The following TTLL11 variants were observed in gnomAD, a reference collection of about 807,000 sequenced individuals.
The protein encoded by TTLL11 is tubulin tyrosine ligase like 11, also known as tubulin polyglutamylase TTLL11.
A neutral mutation model predicts 51.7 loss-of-function variants in TTLL11; 42 were observed. That is an observed-to-expected ratio of 0.81 (90% CI 0.64 to 1.05). The LOEUF is 1.05. Among genes scored for constraint, TTLL11 ranks in the 50% least tolerant of loss-of-function variants. TTLL11 has a pLI of 0.00. For missense variants in TTLL11, 799 were observed against 940.4 expected (o/e 0.85, Z 1.97); for synonymous variants, 381 against 383.5 (o/e 0.99, Z 0.08).
At chr9:122,078,657 T>G (rs138685136) in intron 1 of TTLL11, among the ~76,000 whole-genome samples, 1 of 152,238 alleles carries the variant, frequency 6.6e-6, no homozygotes, top group Admixed American at 6.5e-5. Context: ...TATAGCTTTT[T>G]ATGCTGGCAA....
At chr9:121,994,172 G>T (rs577626855) in intron 3 of TTLL11, among the ~76,000 whole-genome samples, 2 of 152,136 alleles carry the variant, frequency 1.3e-5, no homozygotes, top group Non-Finnish European at 2.9e-5. Flanking sequence ...GGGCAGAGTG[G>T]GAGACAGAGC....
At position 122,033,080 on chromosome 9, in the gene TTLL11, T is replaced by C. The variant is rs117114782; in HGVS notation, c.560-1224A>G. Among the ~76,000 whole-genome samples the C allele has an allele frequency of 2.6e-5, 4 of 152,012 alleles. No homozygotes were observed. In the East Asian group the frequency reaches 7.8e-4, roughly 30 times the overall value. The stretch of plus-strand genomic sequence containing the variant: ...CCTCCCAAAGCCCTGGAATTACAGG[T>C]GTAAGCCGCCATGCCTGGCATCATC... On this transcript the variant is annotated intron_variant, in intron 2 of 8. Coordinates refer to ENST00000321582, the MANE Select transcript of TTLL11 (RefSeq NM_001139442.2).
intron 6 of TTLL11, among the ~76,000 whole-genome samples, chr9:121,911,252 C>A (rs13297857): frequency 6.6e-6 from 1 of 151,866 alleles, no homozygotes; most frequent in Non-Finnish European, 1.5e-5. Flanking sequence ...AAAAAATTAG[C>A]CAGGCATGGT....
chr9:121,833,049 G>C (rs1424038370), intron 8 of TTLL11, among the ~76,000 whole-genome samples: 1 of 152,078 alleles, frequency 6.6e-6, no homozygotes. Context: ...GCCTTGCAGC[G>C]AATGAGGGAT....
rs145190081 is a variant in TTLL11 at position 121,980,669 on chromosome 9, T to C, written c.1270-5690A>G. 2.8e-3 allele frequency among the ~76,000 whole-genome samples: 426 copies of C among 152,348 alleles called. 2 individuals carry two copies. Among genetic ancestry groups the C allele is most frequent in the African/African-American group, 9.9e-3 (411 of 41,582 alleles). Reference sequence around the variant, plus strand: ...ACCATCCCATTACTGGGTATATACCTAAAGGATGATAAATCATGCTGCTAT... The same window carrying C: ...ACCATCCCATTACTGGGTATATACCCAAAGGATGATAAATCATGCTGCTAT... On this transcript the variant is annotated intron_variant, in intron 4 of 8. Coordinates refer to ENST00000321582, the MANE Select transcript of TTLL11 (RefSeq NM_001139442.2).
intron 3 of TTLL11, among the ~76,000 whole-genome samples, chr9:122,015,564 A>T (rs889550943): frequency 6.6e-6 from 1 of 152,150 alleles, no homozygotes; most frequent in Non-Finnish European, 1.5e-5. Context: ...GAGACACTGC[A>T]TTCTCCATGT....
chr9:122,020,682 C>T (rs1446366589), intron 3 of TTLL11, among the ~76,000 whole-genome samples: 1 of 152,224 alleles, frequency 6.6e-6, no homozygotes, highest in Non-Finnish European at 1.5e-5. Flanking sequence ...AAGAGGTAGG[C>T]TCTTTGGAGG....
At chr9:122,053,455 C>T (rs1243183649) in intron 1 of TTLL11, among the ~76,000 whole-genome samples, 1 of 152,124 alleles carries the variant, frequency 6.6e-6, no homozygotes, top group Non-Finnish European at 1.5e-5. Context: ...GCAGCCCACA[C>T]AGCCCACACA....
At chr9:121,873,458 C>T (rs10985427) in intron 6 of TTLL11, among the ~76,000 whole-genome samples, 105,357 of 148,438 alleles carry the variant, frequency 0.71, 37,678 homozygotes, top group East Asian at 0.9. Context: ...TACAGGCATG[C>T]GCCACCACAC....
intron 3 of TTLL11, among the ~76,000 whole-genome samples, chr9:122,026,201 G>C (rs1844330527): frequency 6.6e-6 from 1 of 152,154 alleles, no homozygotes; most frequent in South Asian, 2.1e-4. Flanking sequence ...CAATTTGGGA[G>C]GCTGAGGCAG....
chr9:122,031,524 C>T (rs955847984), intron 3 of TTLL11, among the ~76,000 whole-genome samples, 199 bp downstream of exon 3: 1 of 152,178 alleles, frequency 6.6e-6, no homozygotes, highest in Non-Finnish European at 1.5e-5. Context: ...CCCGTTTCTT[C>T]AGTTTACCTA....
At chr9:121,899,374 T>C (rs1211152286) in intron 6 of TTLL11, among the ~76,000 whole-genome samples, 3 of 94,234 alleles carry the variant, frequency 3.2e-5, no homozygotes, top group African/African-American at 1.1e-4. Flanking sequence ...TGTATATATA[T>C]ATACATATAT....
chr9:121,826,215 T>C (rs1243678293), intron 8 of TTLL11, among the ~76,000 whole-genome samples: 1,249 of 94,500 alleles, frequency 0.013, 178 homozygotes, highest in African/African-American at 0.06. Flanking sequence ...TATATATATA[T>C]ATGCACACAT....
Position 121,866,698 on chromosome 9 carries a change from A to C in TTLL11, c.1733+3799T>G, listed in dbSNP as rs573531967. Among the ~76,000 whole-genome samples the C allele has an allele frequency of 3.3e-5, 5 of 152,058 alleles. No individual in the cohort carries two copies. In the South Asian group the frequency reaches 1.0e-3, roughly 32 times the overall value. The stretch of plus-strand genomic sequence containing the variant: ...AGAAAGAAAAGAAAAGAAAAAGAAA[A>C]ACCTGTTAATCGTTGTGCAATGCTT... On this transcript the variant is annotated intron_variant, in intron 7 of 8. Coordinates refer to ENST00000321582, the MANE Select transcript of TTLL11 (RefSeq NM_001139442.2).
At chr9:122,088,195 C>A (rs532465831) in intron 1 of TTLL11, among the ~76,000 whole-genome samples, 63 of 152,310 alleles carry the variant, frequency 4.1e-4, no homozygotes, top group African/African-American at 1.4e-3. Flanking sequence ...CTCTCCACTC[C>A]CCCATATGCT....
chr9:121,980,499 G>A (rs1842804196), intron 4 of TTLL11, among the ~76,000 whole-genome samples: 1 of 152,182 alleles, frequency 6.6e-6, no homozygotes, highest in Admixed American at 6.5e-5. Context: ...CAGCAGCTCT[G>A]CAGTTGAACC....
At chr9:121,982,721 A>T (rs1230988485) in intron 4 of TTLL11, among the ~76,000 whole-genome samples, 1 of 150,486 alleles carries the variant, frequency 6.6e-6, no homozygotes, top group Non-Finnish European at 1.5e-5. Context: ...CCAACTCAAA[A>T]AAAAAAAAAA....
rs148187971 is a variant in TTLL11 at position 121,930,559 on chromosome 9, C to T, written c.1481+43450G>A. 4.3e-3 allele frequency among the ~76,000 whole-genome samples: 658 copies of T among 152,334 alleles called. 1 individual carries two copies. Among genetic ancestry groups the T allele is most frequent in the Admixed American group, 8.9e-3 (136 of 15,298 alleles). Reference sequence around the variant, plus strand: ...ACAGCAATCAGCACCTGAGAATGCTCGTCCTCCCAGATTACCTGCTGCAGA... The same window carrying T: ...ACAGCAATCAGCACCTGAGAATGCTTGTCCTCCCAGATTACCTGCTGCAGA... On this transcript the variant is annotated intron_variant, in intron 6 of 8. Coordinates refer to ENST00000321582, the MANE Select transcript of TTLL11 (RefSeq NM_001139442.2).
Position 121,888,556 on chromosome 9 carries a change from C to T in TTLL11, c.1482-17808G>A, listed in dbSNP as rs1289352204. On this transcript the variant is annotated intron_variant, in intron 6 of 8. Coordinates refer to ENST00000321582, the MANE Select transcript of TTLL11 (RefSeq NM_001139442.2). Reference sequence around the variant, plus strand: ...TCCAGCAACAGCATGGGGCCAGGCCCGGAGCAGGGAATCAGTCAATGTTAC... The same window carrying T: ...TCCAGCAACAGCATGGGGCCAGGCCTGGAGCAGGGAATCAGTCAATGTTAC... 4.6e-5 allele frequency among the ~76,000 whole-genome samples: 7 copies of T among 152,182 alleles called. No homozygotes were observed. The East Asian group carries it at 7.7e-4, about 17-fold the overall frequency.
Sources: gnomAD v4.1 joint callset for allele counts (sites outside exome capture counted in the v4.1 genomes callset) on GRCh38, gnomAD v4.1.1 for gene constraint, MANE v1.5 for transcripts, NCBI Gene and HGNC (gene_info 2026-07-23, HGNC 2026-07-21) for gene names.